TPO: variants seen among roughly 807,000 people sequenced by gnomAD.
The protein encoded by TPO is thyroid microsomal antigen.
TPO carries 78 observed loss-of-function variants against 96.9 expected under a neutral mutation model. The ratio of observed to expected loss-of-function variants is 0.81; its 90% CI spans 0.67 to 0.97. TPO has a LOEUF of 0.97. TPO is among the 50% of genes least tolerant of loss of function. The pLI, the probability that TPO is intolerant of heterozygous loss-of-function variation, is 0.00. For missense variants in TPO, 1,252 were observed against 1,274.8 expected, an observed-to-expected ratio of 0.98 and a Z score of 0.27; for synonymous variants, 547 against 538.0, an observed-to-expected ratio of 1.02 and a Z score of -0.23.
At chr2:1,537,028 A>ACC (rs1679861384) in intron 15 of TPO, among the ~76,000 whole-genome samples, 1 of 22,384 alleles carries the variant, frequency 4.5e-5, no homozygotes, top group Non-Finnish European at 6.8e-5. Flanking sequence ...CAACGTCCTC[A>ACC]AATACCCCCA....
chr2:1,508,594 T>C (rs1447821024), intron 14 of TPO, among the ~76,000 whole-genome samples: 1 of 152,252 alleles, frequency 6.6e-6, no homozygotes, highest in Non-Finnish European at 1.5e-5. Context: ...AGATTCAACT[T>C]CTTCCTGGTT....
intron 1 of TPO, among the ~76,000 whole-genome samples, chr2:1,375,747 C>T (rs1282381716): frequency 6.6e-6 from 1 of 152,124 alleles, no homozygotes; most frequent in Non-Finnish European, 1.5e-5. Context: ...CCTTATGAAA[C>T]ATGTCCTGAG....
rs528368360 is a variant in TPO at position 1,477,155 on chromosome 2, G to A, written c.889G>A (p.Gly297Ser). Reference sequence around the variant, plus strand: ...CTTCTACCGCTCTTCGGCCGCCTGCGGCACCGGGGACCAAGGCGCGCTCTT... The same window carrying A: ...CTTCTACCGCTCTTCGGCCGCCTGCAGCACCGGGGACCAAGGCGCGCTCTT... ...LPFYRSSAAC[G>S]TGDQGALFGN... is the part of the protein sequence containing the mutation. The change falls in exon 8 of 17, where the codon GGC becomes AGC. Residue 297 changes from glycine (G) to serine (S), a missense_variant. Physicochemically the swap from Gly to Ser is moderately conservative, Grantham distance 56 (BLOSUM62 0). Transcript: ENST00000329066. 10 of 1,610,214 alleles carry A rather than the reference G, an allele frequency of 6.2e-6. No individual in the cohort carries two copies. Among genetic ancestry groups the A allele is most frequent in the African/African-American group, 1.3e-5 (1 of 75,026 alleles).
intron 15 of TPO, among the ~76,000 whole-genome samples, chr2:1,537,978 CCCCCCACTCT>C: frequency 1.3e-5 from 1 of 77,460 alleles, no homozygotes; most frequent in Non-Finnish European, 2.3e-5. Flanking sequence ...CTTCTCAAAT[CCCCCCACTCT>C]GTGCAACCCC....
intron 16 of TPO, chr2:1,541,125 C>G (rs1211306736): frequency 6.1e-5 from 73 of 1,188,454 alleles, no homozygotes; most frequent in Non-Finnish European, 7.6e-5. Context: ...ATGTTTTACC[C>G]CCTTACCTTG....
intron 15 of TPO, among the ~76,000 whole-genome samples, chr2:1,520,167 T>C (rs921814590): frequency 1.3e-5 from 2 of 152,042 alleles, no homozygotes; most frequent in Non-Finnish European, 2.9e-5. Context: ...AGACCTGTGA[T>C]TAGGTGAGCT....
At chr2:1,439,780 G>A (rs1019995805) in intron 5 of TPO, among the ~76,000 whole-genome samples, 1 of 151,870 alleles carries the variant, frequency 6.6e-6, no homozygotes, top group Admixed American at 6.6e-5. Flanking sequence ...TGAGTTCCTC[G>A]CCATCCTCCC....
intron 15 of TPO, among the ~76,000 whole-genome samples, chr2:1,529,757 G>T (rs1677606151): frequency 1.5e-5 from 1 of 64,778 alleles, no homozygotes; most frequent in African/African-American, 7.0e-5. Flanking sequence ...TCCCCCCACT[G>T]TGTGCAACCT....
Position 1,484,549 on chromosome 2 carries a change from C to T in TPO, c.1339-47C>T, listed in dbSNP as rs1240788326. On this transcript the variant is annotated intron_variant, in intron 8 of 16. Coordinates refer to ENST00000329066, the MANE Select transcript of TPO (RefSeq NM_001206744.2). Reference sequence around the variant, plus strand: ...CCACACTGCCGCTCGAGGCGACCCTCCTCTGGTATCCTGGGCCTCACTGAG... The same window carrying T: ...CCACACTGCCGCTCGAGGCGACCCTTCTCTGGTATCCTGGGCCTCACTGAG... 3 of 1,613,276 alleles carry T rather than the reference C, an allele frequency of 1.9e-6. No homozygotes were observed. The African/African-American group carries it at 4.0e-5, about 22-fold the overall frequency.
At position 1,493,809 on chromosome 2, in the gene TPO, T is replaced by C. The variant is rs1256254035; in HGVS notation, c.1776T>C (p.Asn592=). ...RGRDHGLPGY[N]EWREFCGLPR... Reference sequence around the variant, plus strand: ...AGCCTCTCCCCTGTGCAGGTTACAATGAGTGGAGGGAGTTCTGCGGCCTGC... The same window carrying C: ...AGCCTCTCCCCTGTGCAGGTTACAACGAGTGGAGGGAGTTCTGCGGCCTGC... Residue 592 remains asparagine, a synonymous_variant, in exon 11 of 17, where the codon AAT becomes AAC. Transcript: ENST00000329066. 1.2e-6 allele frequency: 2 copies of C among 1,614,024 alleles called. No homozygotes were observed. Among genetic ancestry groups the C allele is most frequent in the Non-Finnish European group, 1.7e-6 (2 of 1,180,004 alleles).
intron 7 of TPO, among the ~76,000 whole-genome samples, chr2:1,466,547 A>C (rs996980499): frequency 6.6e-6 from 1 of 152,042 alleles, no homozygotes; most frequent in East Asian, 1.9e-4. Flanking sequence ...TAATTTTTAT[A>C]TTACCATTTC....
At chr2:1,512,650 T>C (rs1318492696) in intron 14 of TPO, among the ~76,000 whole-genome samples, 1 of 152,202 alleles carries the variant, frequency 6.6e-6, no homozygotes, top group African/African-American at 2.4e-5. Context: ...AGGAGCTTCC[T>C]CTCCGACAGC....
At chr2:1,441,640 C>T (rs1416036319) in intron 5 of TPO, among the ~76,000 whole-genome samples, 3 of 152,142 alleles carry the variant, frequency 2.0e-5, no homozygotes. Context: ...CCAGCTGAGG[C>T]TGTTGTTCCT....
At chr2:1,446,987 T>G (rs578133140) in intron 5 of TPO, among the ~76,000 whole-genome samples, 64 of 151,518 alleles carry the variant, frequency 4.2e-4, no homozygotes, top group African/African-American at 1.5e-3. Flanking sequence ...CCATGAGGGG[T>G]GTGTGTGTGT....
intron 14 of TPO, chr2:1,512,497 A>T: frequency 1.0e-6 from 1 of 984,902 alleles, no homozygotes; most frequent in Non-Finnish European, 1.2e-6. Flanking sequence ...GTTCTGTGTG[A>T]TGGATGTGAT....
Position 1,485,059 on chromosome 2 carries a change from A to C in TPO, c.1597+205A>C, listed in dbSNP as rs28911469. ...TCTCCTAATGCTATCCCTCCCCCTG[A>C]CCCCCACCCCACGACAGACGGGATA... is the stretch of plus-strand genomic sequence containing the variant. On this transcript the variant is annotated intron_variant, in intron 9 of 16. Transcript: ENST00000329066. Among the ~76,000 whole-genome samples the C allele has an allele frequency of 0.68, 99,809 of 146,822 alleles. 33,938 individuals are homozygous for C. The highest frequency in any genetic ancestry group is 0.71 in the African/African-American group (28,068 of 39,382).
chr2:1,480,559 TACACACACACAC>T (rs3036105), intron 8 of TPO, among the ~76,000 whole-genome samples: 177 of 44,364 alleles, frequency 4.0e-3, no homozygotes, highest in African/African-American at 0.013. Flanking sequence ...TCAAACCCCC[TACACACACACAC>T]ACACACACAC....
intron 6 of TPO, among the ~76,000 whole-genome samples, chr2:1,454,593 G>A (rs1400535897): frequency 6.6e-6 from 1 of 152,176 alleles, no homozygotes; most frequent in Admixed American, 6.5e-5. Flanking sequence ...ACGGCTCGGT[G>A]CTCCCAGCAG....
chr2:1,415,421 A>G (rs1306577105), intron 2 of TPO, among the ~76,000 whole-genome samples: 14 of 85,094 alleles, frequency 1.6e-4, no homozygotes, highest in Admixed American at 2.8e-4. Context: ...GTGACAGCTC[A>G]CCGGGCAGGT....
Sources: allele counts gnomAD v4.1 joint callset (sites outside exome capture counted in the v4.1 genomes callset), GRCh38; gene constraint gnomAD v4.1.1; transcripts MANE v1.5; gene names NCBI Gene and HGNC (gene_info 2026-07-23, HGNC 2026-07-21).